Variants in CDH10 observed in about 807,000 individuals in gnomAD.
CDH10 encodes the protein cadherin 10, also known as cadherin-10.
A neutral mutation model predicts 73.1 loss-of-function variants in CDH10; 30 were observed. That is an observed-to-expected ratio of 0.41 (90% CI 0.31 to 0.56). The LOEUF is 0.56. Ranked by LOEUF, CDH10 falls within the 20% of genes least tolerant of loss-of-function variation. The pLI is 0.27. For missense variants in CDH10, 815 were observed against 973.7 expected (o/e 0.84, Z 2.17); for synonymous variants, 345 against 348.2 (o/e 0.99, Z 0.10).
At chr5:24,590,626 C>T (rs1561183840) in intron 2 of CDH10, among the ~76,000 whole-genome samples, 1 of 151,966 alleles carries the variant, frequency 6.6e-6, no homozygotes, top group Non-Finnish European at 1.5e-5. Context: ...AACCACATAG[C>T]AGTAATGGGT....
intron 5 of CDH10, among the ~76,000 whole-genome samples, chr5:24,524,815 T>C (rs899475058): frequency 6.6e-6 from 1 of 152,088 alleles, no homozygotes; most frequent in Non-Finnish European, 1.5e-5. Context: ...AATGTGGGGC[T>C]ACATAAATAA....
At chr5:24,644,387 C>T (rs1396276572) in intron 1 of CDH10, among the ~76,000 whole-genome samples, 2 of 152,052 alleles carry the variant, frequency 1.3e-5, no homozygotes, top group Non-Finnish European at 2.9e-5. Flanking sequence ...TTTACATTGC[C>T]TATATAGATA....
intron 2 of CDH10, among the ~76,000 whole-genome samples, chr5:24,563,239 T>A (rs1183161138): frequency 6.6e-6 from 1 of 152,186 alleles, no homozygotes; most frequent in Non-Finnish European, 1.5e-5. Context: ...TCTACCTCAA[T>A]TTAGGTTTGA....
At chr5:24,605,966 C>G (rs1474945885) in intron 1 of CDH10, among the ~76,000 whole-genome samples, 1 of 152,100 alleles carries the variant, frequency 6.6e-6, no homozygotes, top group African/African-American at 2.4e-5. Context: ...AATAAGCCAG[C>G]CTCAAAATCA....
At chr5:24,511,543 G>A in intron 5 of CDH10, 29 bp from the exon 6 acceptor site, 1 of 663,706 alleles carries the variant, frequency 1.5e-6, no homozygotes, top group African/African-American at 2.5e-5. Context: ...AGAAGAGAGA[G>A]ACAGAGAGAG....
In CDH10 at chr5:24,514,787, AT is replaced by A. The variant is rs1364689402; in HGVS notation, c.815-3274del. On this transcript the variant is annotated intron_variant, in intron 5 of 11. Transcript: ENST00000264463. The stretch of plus-strand genomic sequence containing the variant: ...AGCAAATAGGAAATGCAGCCACAAT[AT>A]TTTTTTCAATTAATGAGTTTTCAAT... 7.2e-5 allele frequency among the ~76,000 whole-genome samples: 11 copies of A among 152,216 alleles called. No homozygotes were observed. The East Asian group carries it at 7.7e-4, about 11-fold the overall frequency.
At chr5:24,510,264 T>G (rs1742854752) in intron 6 of CDH10, among the ~76,000 whole-genome samples, 1 of 152,176 alleles carries the variant, frequency 6.6e-6, no homozygotes, top group Non-Finnish European at 1.5e-5. Context: ...TATGATATTA[T>G]AAAAACATTA....
intron 9 of CDH10, among the ~76,000 whole-genome samples, chr5:24,493,638 A>T (rs1742148766): frequency 6.6e-6 from 1 of 151,908 alleles, no homozygotes; most frequent in African/African-American, 2.4e-5. Context: ...ATGTATATAT[A>T]TGTAATAGGT....
At chr5:24,615,560 T>C (rs79889989) in intron 1 of CDH10, among the ~76,000 whole-genome samples, 3 of 152,228 alleles carry the variant, frequency 2.0e-5, no homozygotes, top group Admixed American at 1.3e-4. Flanking sequence ...ACAGATAATA[T>C]GTGAATGACT....
Position 24,487,887 on chromosome 5 carries a change from T to G in CDH10, c.2143A>C (p.Asn715His), listed in dbSNP as rs1741899583. The G allele has an allele frequency of 1.2e-6, 2 of 1,613,868 alleles. No individual in the cohort carries two copies. Among genetic ancestry groups the G allele is most frequent in the Admixed American group, 1.7e-5 (1 of 59,982 alleles). ...PDNTDVRDFI[N>H]ERLKEHDLDP... is the part of the protein sequence containing the mutation. ...AGATCATGCTCTTTTAGCCTTTCATTAATGAAATCCCGGACGTCCGTGTTA... is the reference window on the plus strand; with the variant it reads ...AGATCATGCTCTTTTAGCCTTTCATGAATGAAATCCCGGACGTCCGTGTTA... Residue 715 changes from asparagine to histidine, a missense_variant, in exon 12 of 12, where the codon AAT becomes CAT. Transcript: ENST00000264463.
intron 5 of CDH10, among the ~76,000 whole-genome samples, chr5:24,518,574 A>C (rs1115578): frequency 0.48 from 72,286 of 151,536 alleles, 17,319 homozygotes; most frequent in East Asian, 0.58. Flanking sequence ...CCTTATTCAC[A>C]GTCTTTAGTA....
At chr5:24,527,636 A>G (rs1743582080) in intron 5 of CDH10, among the ~76,000 whole-genome samples, 2 of 151,880 alleles carry the variant, frequency 1.3e-5, no homozygotes, top group South Asian at 4.1e-4. Flanking sequence ...ACTGCAGGCA[A>G]TTGTAACACA....
chr5:24,633,742 A>G (rs902669688), intron 1 of CDH10, among the ~76,000 whole-genome samples: 1 of 151,892 alleles, frequency 6.6e-6, no homozygotes, highest in African/African-American at 2.4e-5. Context: ...ATTCATGTCA[A>G]TATGTAAACA....
At position 24,585,261 on chromosome 5, in the gene CDH10, CTGGGTCCACA is replaced by C. The variant is rs1192053111; in HGVS notation, c.231+7989_231+7998del. 1.1e-4 allele frequency among the ~76,000 whole-genome samples: 17 copies of C among 152,284 alleles called. No individual in the cohort carries two copies. In the South Asian group the frequency reaches 2.3e-3, roughly 20 times the overall value. Reference sequence around the variant, plus strand: ...CCCAGATTATTACAACTAGTCTCTCCTGGGTCCACACTGATCTCGAAATTGCTACATCTGT... The same window carrying C: ...CCCAGATTATTACAACTAGTCTCTCCCTGATCTCGAAATTGCTACATCTGT... On this transcript the variant is annotated intron_variant, in intron 2 of 11. Coordinates refer to ENST00000264463, the MANE Select transcript of CDH10 (RefSeq NM_006727.5).
intron 1 of CDH10, among the ~76,000 whole-genome samples, chr5:24,602,141 T>C (rs1746586150): frequency 6.6e-6 from 1 of 152,158 alleles, no homozygotes; most frequent in African/African-American, 2.4e-5. Context: ...TCCAGTATAA[T>C]ACTAAACTAA....
chr5:24,550,087 G>A (rs1460001167), intron 2 of CDH10, among the ~76,000 whole-genome samples: 2 of 152,158 alleles, frequency 1.3e-5, no homozygotes, highest in Non-Finnish European at 2.9e-5. Context: ...CAGCAAATAT[G>A]TGGTAAATAT....
chr5:24,525,043 C>T (rs747468583), intron 5 of CDH10, among the ~76,000 whole-genome samples: 8 of 151,952 alleles, frequency 5.3e-5, no homozygotes, highest in Non-Finnish European at 1.2e-4. Context: ...TGACAGCTCA[C>T]GTGAGTAAGC....
intron 2 of CDH10, among the ~76,000 whole-genome samples, chr5:24,590,604 T>C (rs1485301141): frequency 1.3e-5 from 2 of 152,022 alleles, no homozygotes; most frequent in African/African-American, 4.8e-5. Flanking sequence ...AATGGGATTT[T>C]CGTTTTGCTT....
chr5:24,513,263 C>G (rs1310290499), intron 5 of CDH10, among the ~76,000 whole-genome samples: 1 of 152,102 alleles, frequency 6.6e-6, no homozygotes, highest in African/African-American at 2.4e-5. Context: ...CGGCGATCCT[C>G]TCACCTCAAC....
Sources: allele counts gnomAD v4.1 joint callset (sites outside exome capture counted in the v4.1 genomes callset), GRCh38; gene constraint gnomAD v4.1.1; transcripts MANE v1.5; gene names NCBI Gene and HGNC (gene_info 2026-07-23, HGNC 2026-07-21).